Variants in ZHX2 observed in about 807,000 individuals in gnomAD.
The protein encoded by ZHX2 is zinc fingers and homeoboxes protein 2.
Under a neutral mutation model 21.9 loss-of-function variants are expected in ZHX2, and 6 were observed. The ratio of observed to expected loss-of-function variants is 0.27; its 90% confidence interval spans 0.15 to 0.54. The LOEUF is 0.54. Among genes scored for constraint, ZHX2 ranks in the 20% least tolerant of loss-of-function variants. ZHX2 has a pLI of 0.95. For missense variants in ZHX2, 908 were observed against 1,090.7 expected, an observed-to-expected ratio of 0.83 and a Z score of 2.36; for synonymous variants, 434 against 437.1, an observed-to-expected ratio of 0.99 and a Z score of 0.09.
At chr8:122,793,478 C>T (rs558562073) in intron 1 of ZHX2, among the ~76,000 whole-genome samples, 1 of 152,306 alleles carries the variant, frequency 6.6e-6, no homozygotes, top group Admixed American at 6.5e-5. Flanking sequence ...AGTGCATTGC[C>T]GTGCTCCCCA....
intron 1 of ZHX2, among the ~76,000 whole-genome samples, chr8:122,860,305 C>T (rs1819132360): frequency 6.6e-6 from 1 of 152,198 alleles, no homozygotes. Flanking sequence ...GATTACAATT[C>T]AAGATGAGAT....
At chr8:122,812,126 G>A (rs72717975) in intron 1 of ZHX2, 18,993 of 152,236 alleles carry the variant, frequency 0.12, 1,372 homozygotes, top group African/African-American at 0.19. Flanking sequence ...GGGGCTTTCT[G>A]GGGAAAGAGC....
chr8:122,949,535 A>G (rs1224638524), intron 2 of ZHX2, among the ~76,000 whole-genome samples: 1 of 152,070 alleles, frequency 6.6e-6, no homozygotes, highest in Non-Finnish European at 1.5e-5. Flanking sequence ...AATCAAGAAA[A>G]GCATACAAGC....
intron 3 of ZHX2, among the ~76,000 whole-genome samples, chr8:122,954,336 C>T (rs1485811496): frequency 6.6e-6 from 1 of 152,070 alleles, no homozygotes; most frequent in African/African-American, 2.4e-5. Flanking sequence ...GTGACAGAGT[C>T]TTGCTCTGCC....
At chr8:122,796,843 GGAA>G (rs1817621825) in intron 1 of ZHX2, among the ~76,000 whole-genome samples, 1 of 152,132 alleles carries the variant, frequency 6.6e-6, no homozygotes, top group Non-Finnish European at 1.5e-5. Flanking sequence ...TGAAAAAGCG[GGAA>G]AATGTGGGAA....
At chr8:122,838,230 TC>T (rs1320980186) in intron 1 of ZHX2, among the ~76,000 whole-genome samples, 1 of 152,212 alleles carries the variant, frequency 6.6e-6, no homozygotes, top group African/African-American at 2.4e-5. Flanking sequence ...CAGGGGCACT[TC>T]CTGGGTATCA....
intron 2 of ZHX2, among the ~76,000 whole-genome samples, chr8:122,879,089 A>ACTCAAGGTTAGCCTC (rs1463833882): frequency 1.3e-5 from 2 of 152,132 alleles, no homozygotes; most frequent in Non-Finnish European, 2.9e-5. Context: ...CTGCCTCGGA[A>ACTCAAGGTTAGCCTC]CTCAAGGTTA....
At chr8:122,827,678 T>G (rs180692996) in intron 1 of ZHX2, among the ~76,000 whole-genome samples, 2 of 152,264 alleles carry the variant, frequency 1.3e-5, no homozygotes, top group Admixed American at 1.3e-4. Context: ...AAGGAGAGAA[T>G]CTGTACATAA....
chr8:122,853,951 T>C (rs569084507), intron 1 of ZHX2, among the ~76,000 whole-genome samples: 14 of 152,104 alleles, frequency 9.2e-5, no homozygotes, highest in African/African-American at 3.1e-4. Context: ...CAACAAAACG[T>C]CTTTGTGGCA....
chr8:122,968,290 C>T (rs1813633096), intron 3 of ZHX2, among the ~76,000 whole-genome samples: 2 of 152,102 alleles, frequency 1.3e-5, no homozygotes, highest in Non-Finnish European at 2.9e-5. Flanking sequence ...ATATACCTGG[C>T]CTGTGGGTCT....
chr8:122,808,277 TAA>T (rs1817860855), intron 1 of ZHX2, among the ~76,000 whole-genome samples: 1 of 152,202 alleles, frequency 6.6e-6, no homozygotes, highest in African/African-American at 2.4e-5. Context: ...ATGCTGCTAA[TAA>T]AGACATATCC....
chr8:122,867,803 C>G (rs928838693), intron 2 of ZHX2, among the ~76,000 whole-genome samples: 5 of 152,164 alleles, frequency 3.3e-5, no homozygotes, highest in African/African-American at 1.2e-4. Context: ...TCTTTTCCCC[C>G]GTACCACCTC....
chr8:122,805,207 A>C (rs1208898371), intron 1 of ZHX2, among the ~76,000 whole-genome samples: 2 of 152,168 alleles, frequency 1.3e-5, no homozygotes, highest in Non-Finnish European at 2.9e-5. Flanking sequence ...GAAGCCAGGA[A>C]ATAGAGCATT....
In ZHX2 at chr8:122,953,157, G is replaced by T. The variant is rs1174822607; in HGVS notation, c.1647G>T (p.Leu549Phe). 1 of 1,613,672 alleles carries T rather than the reference G, an allele frequency of 6.2e-7. No individual in the cohort carries two copies. The highest frequency in any genetic ancestry group is 1.3e-5 in the African/African-American group (1 of 74,852). Reference sequence around the variant, plus strand: ...TTAAAATCTTGGAAGACAGCTTTTTGAAAAGTTCTTTTCCTACCCAAGCAG... The same window carrying T: ...TTAAAATCTTGGAAGACAGCTTTTTTAAAAGTTCTTTTCCTACCCAAGCAG... The part of the protein sequence containing the change: ...GQVKILEDSF[L>F]KSSFPTQAEL... Residue 549 changes from leucine (L) to phenylalanine (F), a missense_variant, in exon 3 of 4, where the codon TTG becomes TTT. Around this residue, in one of 4 missense-constraint regions of ZHX2, gnomAD observed 431 missense variants for 428.6 expected, o/e 1.01. Transcript: ENST00000314393. The surrounding 1 kb of genome is among the most constrained non-coding windows in gnomAD (Gnocchi z 4.6).
intron 3 of ZHX2, among the ~76,000 whole-genome samples, chr8:122,956,136 C>T (rs1251947003): frequency 2.0e-5 from 3 of 152,148 alleles, no homozygotes; most frequent in South Asian, 2.1e-4. Flanking sequence ...TGAGCCACCA[C>T]GCCCGACCTC....
chr8:122,919,998 G>A (rs1820699505), intron 2 of ZHX2, among the ~76,000 whole-genome samples: 1 of 152,146 alleles, frequency 6.6e-6, no homozygotes, highest in African/African-American at 2.4e-5. Context: ...TTGAGGCTGG[G>A]CGCAGTGGCT....
intron 2 of ZHX2, among the ~76,000 whole-genome samples, chr8:122,927,602 A>T (rs1820889104): frequency 6.6e-6 from 1 of 152,218 alleles, no homozygotes; most frequent in African/African-American, 2.4e-5. Flanking sequence ...AGAGCAAGGG[A>T]CATCTTACAT....
At chr8:122,887,159 G>A (rs191730051) in intron 2 of ZHX2, among the ~76,000 whole-genome samples, 1 of 151,912 alleles carries the variant, frequency 6.6e-6, no homozygotes, top group African/African-American at 2.4e-5. Context: ...GGGGATGTGA[G>A]CACGTGTGAG....
At chr8:122,783,096 G>A (rs150453507) in intron 1 of ZHX2, among the ~76,000 whole-genome samples, 360 of 152,270 alleles carry the variant, frequency 2.4e-3, no homozygotes, top group African/African-American at 7.6e-3. Context: ...TTGTCAGGCT[G>A]GGGAGAAAAC....
Sources: allele counts gnomAD v4.1 joint callset (sites outside exome capture counted in the v4.1 genomes callset), GRCh38; gene constraint gnomAD v4.1.1; regional missense constraint gnomAD v4.1.1; non-coding constraint Gnocchi (gnomAD v3.1); transcripts MANE v1.5; gene names NCBI Gene and HGNC (gene_info 2026-07-23, HGNC 2026-07-21).